The following LDAH variants were observed in gnomAD, a reference collection of about 807,000 sequenced individuals.
The protein encoded by LDAH is lipid droplet-associated hydrolase.
Under a neutral mutation model 29.6 loss-of-function variants are expected in LDAH, and 26 were observed. That is an observed-to-expected ratio of 0.88 (90% confidence interval 0.64 to 1.22). The LOEUF is 1.22. Ranked by LOEUF, LDAH falls within the 50% of genes most tolerant of loss-of-function variation. The pLI is 0.00. For missense variants in LDAH, 344 were observed against 387.3 expected (o/e 0.89, Z 0.94); for synonymous variants, 117 against 133.0 (o/e 0.88, Z 0.83).
At position 20,740,265 on chromosome 2, in the gene LDAH, T is replaced by C. The variant is rs113818302; in HGVS notation, c.469-60A>G. 6.2e-4 allele frequency: 676 copies of C among 1,096,048 alleles called. 5 individuals carry two copies. In the African/African-American group the frequency reaches 9.5e-3, roughly 15 times the overall value. The allele number at this position is 1,096,048 out of a possible 1,614,324, so 67.9% of individuals were successfully genotyped here. A position where few individuals can be genotyped will look rare whatever the true frequency, so the allele number is the denominator to read the frequency against. ...TCTTAAAGGATAGGTCCATTACTTATTGTCTCTTCTATATAGTAATGACAA... is the reference window on the plus strand; with the variant it reads ...TCTTAAAGGATAGGTCCATTACTTACTGTCTCTTCTATATAGTAATGACAA... On this transcript the variant is annotated intron_variant, in intron 4 of 6. Transcript: ENST00000237822.
chr2:20,693,712 G>A (rs1440331764), intron 6 of LDAH, among the ~76,000 whole-genome samples: 2 of 152,258 alleles, frequency 1.3e-5, no homozygotes, highest in East Asian at 1.9e-4. Context: ...GAAAGGCACC[G>A]ACATTCTGGG....
intron 3 of LDAH, among the ~76,000 whole-genome samples, chr2:20,783,114 A>T (rs141010371): frequency 0.011 from 1,636 of 152,314 alleles, 36 homozygotes; most frequent in African/African-American, 0.037. Flanking sequence ...TTCTAAATAT[A>T]TTGGGATTTC....
intron 4 of LDAH, among the ~76,000 whole-genome samples, chr2:20,767,091 C>A (rs1422471580): frequency 6.6e-6 from 1 of 152,206 alleles, no homozygotes; most frequent in East Asian, 1.9e-4. Context: ...AATGCCAGGG[C>A]CACTGGGGGA....
intron 4 of LDAH, among the ~76,000 whole-genome samples, chr2:20,752,224 C>T (rs1018725504): frequency 1.3e-5 from 2 of 151,782 alleles, no homozygotes; most frequent in African/African-American, 4.8e-5. Flanking sequence ...AAAATTTATA[C>T]TTCAATTTAA....
chr2:20,721,820 T>A (rs1665670235), intron 5 of LDAH, among the ~76,000 whole-genome samples: 2 of 152,154 alleles, frequency 1.3e-5, no homozygotes, highest in African/African-American at 4.8e-5. Flanking sequence ...AATCAGTGTA[T>A]CAAAGAGGTA....
At chr2:20,724,599 C>T (rs1415380053) in intron 5 of LDAH, among the ~76,000 whole-genome samples, 1 of 152,132 alleles carries the variant, frequency 6.6e-6, no homozygotes, top group African/African-American at 2.4e-5. Context: ...ACTGGTAAGC[C>T]AAGCTGGCAG....
At chr2:20,749,082 T>G (rs761763503) in intron 4 of LDAH, among the ~76,000 whole-genome samples, 7 of 152,214 alleles carry the variant, frequency 4.6e-5, no homozygotes, top group Non-Finnish European at 1.0e-4. Context: ...ACCTACAGTA[T>G]GCCAGGTGCT....
chr2:20,817,557 T>A (rs1041119345), intron 1 of LDAH, among the ~76,000 whole-genome samples: 1 of 152,118 alleles, frequency 6.6e-6, no homozygotes, highest in African/African-American at 2.4e-5. Flanking sequence ...ATACCAGTTG[T>A]GTTCAACATT....
At chr2:20,811,314 G>A (rs1356272638) in intron 1 of LDAH, among the ~76,000 whole-genome samples, 2 of 151,722 alleles carry the variant, frequency 1.3e-5, no homozygotes, top group Non-Finnish European at 2.9e-5. Flanking sequence ...GGCCGCGCCC[G>A]GACTCAACCT....
At chr2:20,760,036 T>C (rs1383258136) in intron 4 of LDAH, among the ~76,000 whole-genome samples, 3 of 152,240 alleles carry the variant, frequency 2.0e-5, no homozygotes, top group Non-Finnish European at 4.4e-5. Context: ...CCTGTGATTT[T>C]GTTATTACAT....
intron 1 of LDAH, 69 bp from the exon 2 acceptor site, chr2:20,801,534 C>T: frequency 7.1e-7 from 1 of 1,402,706 alleles, no homozygotes. Flanking sequence ...AGACAAAATT[C>T]AAGAATAAAA....
chr2:20,747,398 A>T (rs1667648744), intron 4 of LDAH, among the ~76,000 whole-genome samples: 1 of 152,128 alleles, frequency 6.6e-6, no homozygotes. Context: ...AAAACAAACA[A>T]AAAAATAGCA....
At position 20,774,862 on chromosome 2, in the gene LDAH, G is replaced by C; in HGVS notation, c.416C>G (p.Ser139Ter). The C allele has an allele frequency of 6.2e-7, 1 of 1,613,514 alleles. No homozygotes were observed. Among genetic ancestry groups the C allele is most frequent in the African/African-American group, 1.3e-5 (1 of 75,024 alleles). Residue 139 changes from serine to a stop codon, truncating the protein, a stop_gained, in exon 4 of 7, where the codon TCA (serine) becomes TGA (stop). Coordinates refer to ENST00000237822, the MANE Select transcript of LDAH (RefSeq NM_021925.4). LOFTEE classifies it high-confidence loss of function. ...KDMKLVLIGH[S>*]IGSYFTLQML... is the part of the protein sequence containing the mutation. Reference sequence around the variant, plus strand: ...CTGAAGTGTGAAATAGCTGCCTATTGAATGGCCAATGAGCACAAGTTTCAT... The same window carrying C: ...CTGAAGTGTGAAATAGCTGCCTATTCAATGGCCAATGAGCACAAGTTTCAT...
chr2:20,688,828 C>CTTTTTTTTTTTT (rs57543886), intron 6 of LDAH, among the ~76,000 whole-genome samples: 3 of 112,020 alleles, frequency 2.7e-5, no homozygotes, highest in East Asian at 2.6e-4. Context: ...TGGAGGTTTC[C>CTTTTTTTTTTTT]TTTTTTTTTT....
chr2:20,780,333 G>A (rs1244815036), intron 3 of LDAH, among the ~76,000 whole-genome samples: 1 of 152,018 alleles, frequency 6.6e-6, no homozygotes, highest in African/African-American at 2.4e-5. Flanking sequence ...TATCTGCTAA[G>A]GACTTCAACA....
At chr2:20,812,681 T>A (rs1377464312) in intron 1 of LDAH, among the ~76,000 whole-genome samples, 1 of 152,104 alleles carries the variant, frequency 6.6e-6, no homozygotes, top group Admixed American at 6.6e-5. Context: ...AAGGAACAAT[T>A]AGAAACAGGC....
intron 5 of LDAH, among the ~76,000 whole-genome samples, chr2:20,711,654 G>C (rs368665019): frequency 6.6e-6 from 1 of 152,250 alleles, no homozygotes; most frequent in South Asian, 2.1e-4. Flanking sequence ...ATGACAGACT[G>C]TACCTGGAAA....
chr2:20,822,091 C>T (rs1235421383), intron 1 of LDAH, among the ~76,000 whole-genome samples: 1 of 151,754 alleles, frequency 6.6e-6, no homozygotes, highest in Non-Finnish European at 1.5e-5. Context: ...TCTCTTTCTC[C>T]ATACAGATTT....
chr2:20,705,516 C>T (rs765234826), intron 5 of LDAH, among the ~76,000 whole-genome samples: 3 of 152,136 alleles, frequency 2.0e-5, no homozygotes, highest in Non-Finnish European at 4.4e-5. Flanking sequence ...TCTGGAACTC[C>T]TACTAGTAGG....
Sources: gnomAD v4.1 joint callset for allele counts (sites outside exome capture counted in the v4.1 genomes callset) on GRCh38, gnomAD v4.1.1 for gene constraint, MANE v1.5 for transcripts, NCBI Gene and HGNC (gene_info 2026-07-23, HGNC 2026-07-21) for gene names.